Variants in PPP3CC observed in about 807,000 individuals in gnomAD.
PPP3CC encodes the protein protein phosphatase 3 catalytic subunit gamma, also known as serine/threonine-protein phosphatase 2B catalytic subunit gamma isoform.
PPP3CC carries 35 observed loss-of-function variants against 60.3 expected under a neutral mutation model. The observed-to-expected ratio is 0.58, with a 90% CI of 0.44 to 0.77. PPP3CC has a LOEUF of 0.77. Among genes scored for constraint, PPP3CC ranks in the 30% least tolerant of loss-of-function variants. PPP3CC has a pLI of 0.00. For synonymous variants in PPP3CC, 206 were observed against 224.3 expected (o/e 0.92, Z 0.73); for missense variants, 570 against 628.9 (o/e 0.91, Z 1.00).
At chr8:22,530,829 C>CAAACAAAAAAAAAAAAAAAAAAAAAAAA (rs1839691242) in intron 10 of PPP3CC, among the ~76,000 whole-genome samples, 2 of 58,034 alleles carry the variant, frequency 3.4e-5, no homozygotes, top group African/African-American at 1.0e-4. Flanking sequence ...AGACTCATCT[C>CAAACAAAAAAAAAAAAAAAAAAAAAAAA]AAAAAAAAAA....
chr8:22,521,329 G>C (rs913570871), intron 6 of PPP3CC, among the ~76,000 whole-genome samples: 1 of 152,196 alleles, frequency 6.6e-6, no homozygotes, highest in African/African-American at 2.4e-5. Flanking sequence ...TGGTGGATCT[G>C]TTACTAGGGG....
intron 1 of PPP3CC, among the ~76,000 whole-genome samples, chr8:22,469,618 G>A (rs182453288): frequency 1.3e-3 from 194 of 152,186 alleles, no homozygotes; most frequent in African/African-American, 4.5e-3. Context: ...TGGGATGCTT[G>A]TTGTTGGAAC....
intron 3 of PPP3CC, among the ~76,000 whole-genome samples, chr8:22,494,626 C>T (rs1838509407): frequency 6.6e-6 from 1 of 152,122 alleles, no homozygotes; most frequent in Non-Finnish European, 1.5e-5. Context: ...TTTGTAAACT[C>T]AAAATCAATA....
chr8:22,536,172 A>T (rs2117158065), intron 12 of PPP3CC, among the ~76,000 whole-genome samples: 1 of 152,372 alleles, frequency 6.6e-6, no homozygotes, highest in East Asian at 1.9e-4. Flanking sequence ...TTAGTTTCAC[A>T]GAAAGTATCA....
chr8:22,478,386 G>A (rs958996521), intron 3 of PPP3CC, among the ~76,000 whole-genome samples: 9 of 152,048 alleles, frequency 5.9e-5, no homozygotes, highest in Admixed American at 3.3e-4. Context: ...TCCTGAACTC[G>A]TTATCCACCC....
At chr8:22,535,421 T>C (rs1839821936) in intron 12 of PPP3CC, among the ~76,000 whole-genome samples, 1 of 152,206 alleles carries the variant, frequency 6.6e-6, no homozygotes, top group African/African-American at 2.4e-5. Flanking sequence ...GTTTAACTGC[T>C]TTTTTTGCTC....
chr8:22,464,906 C>T (rs1837472870), intron 1 of PPP3CC, among the ~76,000 whole-genome samples: 1 of 151,796 alleles, frequency 6.6e-6, no homozygotes, highest in Non-Finnish European at 1.5e-5. Context: ...ATCACTTCTG[C>T]TGCAATGTAT....
At chr8:22,500,128 C>G (rs771372168) in intron 4 of PPP3CC, among the ~76,000 whole-genome samples, 9 of 152,242 alleles carry the variant, frequency 5.9e-5, no homozygotes, top group Non-Finnish European at 1.0e-4. Context: ...ATTTTAAAGA[C>G]TTTTGGCATA....
At chr8:22,518,241 T>G (rs1839305801) in intron 6 of PPP3CC, among the ~76,000 whole-genome samples, 1 of 152,108 alleles carries the variant, frequency 6.6e-6, no homozygotes, top group African/African-American at 2.4e-5. Flanking sequence ...GTTTTTAAAA[T>G]TTTTAGAGGA....
At chr8:22,442,741 T>G (rs1836708470) in intron 1 of PPP3CC, among the ~76,000 whole-genome samples, 1 of 152,192 alleles carries the variant, frequency 6.6e-6, no homozygotes, top group South Asian at 2.1e-4. Context: ...TATAGCCCTC[T>G]CTTAAGATTC....
chr8:22,481,274 G>A (rs1838057385), intron 3 of PPP3CC, among the ~76,000 whole-genome samples: 3 of 151,954 alleles, frequency 2.0e-5, no homozygotes, highest in Admixed American at 2.0e-4. Flanking sequence ...GGCAGAGGTT[G>A]CAGTGAGCCA....
intron 3 of PPP3CC, among the ~76,000 whole-genome samples, chr8:22,482,088 T>C (rs1431182374): frequency 6.6e-6 from 1 of 152,220 alleles, no homozygotes; most frequent in African/African-American, 2.4e-5. Context: ...TTTCTGGTTC[T>C]AATCCTTGAG....
Position 22,522,341 on chromosome 8 carries a change from G to A in PPP3CC, c.771-150G>A. The A allele has an allele frequency of 8.6e-6, 5 of 579,790 alleles. No homozygotes were observed. In the South Asian group the frequency reaches 9.7e-5, roughly 11 times the overall value. The allele number at this position is 579,790 out of a possible 1,614,324, so 35.9% of individuals were successfully genotyped here. ...TAGTGAAATAGAGAAACAGAATGAT[G>A]AGTACTAAGCTATTCATAAAATTTC... On this transcript the variant is annotated intron_variant, in intron 6 of 13. Transcript: ENST00000240139.
intron 6 of PPP3CC, among the ~76,000 whole-genome samples, chr8:22,521,167 T>C (rs1839396020): frequency 6.6e-6 from 1 of 152,170 alleles, no homozygotes. Context: ...TTTGGGTTTA[T>C]GTTTGGGTCC....
At chr8:22,450,190 C>T (rs549013690) in intron 1 of PPP3CC, among the ~76,000 whole-genome samples, 5 of 151,952 alleles carry the variant, frequency 3.3e-5, no homozygotes, top group African/African-American at 1.2e-4. Context: ...GTTTTAAAAA[C>T]CCAAAACAAA....
At chr8:22,538,608 T>A (rs1839894970) in intron 12 of PPP3CC, among the ~76,000 whole-genome samples, 1 of 152,232 alleles carries the variant, frequency 6.6e-6, no homozygotes, top group Non-Finnish European at 1.5e-5. Context: ...GACAGGGTTC[T>A]CCTAATAGGA....
intron 1 of PPP3CC, among the ~76,000 whole-genome samples, chr8:22,473,507 A>G (rs1259457643): frequency 6.7e-6 from 1 of 148,882 alleles, no homozygotes; most frequent in Non-Finnish European, 1.5e-5. Context: ...TCTGTCGCCC[A>G]GGCTGAAGTG....
chr8:22,496,205 T>G (rs763367555), intron 3 of PPP3CC, among the ~76,000 whole-genome samples: 1 of 152,068 alleles, frequency 6.6e-6, no homozygotes, highest in Non-Finnish European at 1.5e-5. Context: ...GTAGGTACTT[T>G]TATACTATAT....
rs754395995 is a variant in PPP3CC, at chr8:22,441,436, C to T, written c.27C>T (p.Ser9=). The change falls in exon 1 of 14, where the codon TCC becomes TCT. Residue 9 remains serine, a synonymous_variant. Coordinates refer to ENST00000240139, the MANE Select transcript of PPP3CC (RefSeq NM_005605.5). ...TGTCCGGGAGGCGCTTCCACCTCTC[C>T]ACCACCGACCGCGTCATCAAAGGTG... MSGRRFHL[S]TTDRVIKAVP... is the part of the protein sequence containing the mutation. 5.8e-6 allele frequency: 9 copies of T among 1,547,256 alleles called. No individual in the cohort carries two copies. The East Asian group carries it at 1.2e-4, about 21-fold the overall frequency.
Sources: gnomAD v4.1 joint callset for allele counts (sites outside exome capture counted in the v4.1 genomes callset) on GRCh38, gnomAD v4.1.1 for gene constraint, MANE v1.5 for transcripts, NCBI Gene and HGNC (gene_info 2026-07-23, HGNC 2026-07-21) for gene names.